Variants in RAB27B observed in about 807,000 individuals in gnomAD.
RAB27B encodes the protein RAB27B, member RAS oncogene family.
A neutral mutation model predicts 24.6 loss-of-function variants in RAB27B; 15 were observed. The observed-to-expected ratio is 0.61, with a 90% CI of 0.41 to 0.94. The LOEUF (loss-of-function observed/expected upper bound fraction) is 0.94, where lower values mean the gene tolerates loss of function less well. Ranked by LOEUF, RAB27B falls within the 40% of genes least tolerant of loss-of-function variation. The pLI, the probability that RAB27B is intolerant of heterozygous loss-of-function variation, is 0.00. For synonymous variants in RAB27B, 105 were observed against 92.5 expected (o/e 1.14, Z -0.78); for missense variants, 261 against 266.8 (o/e 0.98, Z 0.15).
At chr18:54,751,174 G>A in intron 2 of RAB27B, among the ~76,000 whole-genome samples, 1 of 152,164 alleles carries the variant, frequency 6.6e-6, no homozygotes, top group East Asian at 1.9e-4. Context: ...AGGAGCTTGA[G>A]GCACTGGAGT....
In RAB27B at chr18:54,877,840, C is replaced by T. The variant is rs888124615; in HGVS notation, c.153+102C>T. On this transcript the variant is annotated intron_variant, in intron 2 of 5. Transcript: ENST00000262094. The stretch of plus-strand genomic sequence containing the variant: ...GCATTGGAGTCTGTCTTTTGTCACA[C>T]GAAATTCATAACCTGTCATTTTAAT... The T allele has an allele frequency of 1.3e-5, 15 of 1,189,384 alleles. 1 individual carries two copies. The highest frequency in any genetic ancestry group is 3.4e-5 in the South Asian group (2 of 58,544). 73.7% of individuals were successfully genotyped at this position (1,189,384 alleles called of 1,614,324 possible). A position where few individuals can be genotyped will look rare whatever the true frequency, so the allele number is the denominator to read the frequency against.
intron 1 of RAB27B, among the ~76,000 whole-genome samples, chr18:54,872,232 C>T (rs1342774274): frequency 6.6e-6 from 1 of 152,226 alleles, no homozygotes; most frequent in African/African-American, 2.4e-5. Context: ...AGTGCAGTAT[C>T]TCTGTGCTTT....
intron 2 of RAB27B, among the ~76,000 whole-genome samples, chr18:54,820,468 T>G (rs887581964): frequency 1.3e-4 from 20 of 152,166 alleles, no homozygotes; most frequent in Non-Finnish European, 2.6e-4. Context: ...GATGGGATTG[T>G]TTTTTTCTTG....
intron 2 of RAB27B, among the ~76,000 whole-genome samples, chr18:54,746,438 C>T (rs1212320577): frequency 1.3e-5 from 2 of 152,182 alleles, no homozygotes. Flanking sequence ...ATGGGTCATA[C>T]TTTATTCCAT....
At chr18:54,753,882 G>A (rs1306511869) in intron 2 of RAB27B, among the ~76,000 whole-genome samples, 3 of 152,030 alleles carry the variant, frequency 2.0e-5, no homozygotes, top group Admixed American at 2.0e-4. Context: ...ACACACTTGG[G>A]GTTTAGAAGA....
At chr18:54,781,403 T>G (rs1309095171) in intron 2 of RAB27B, among the ~76,000 whole-genome samples, 2 of 151,984 alleles carry the variant, frequency 1.3e-5, no homozygotes, top group Non-Finnish European at 2.9e-5. Flanking sequence ...GCCCCTGAAT[T>G]TGACCACACT....
At position 54,841,158 on chromosome 18, in the gene RAB27B, GC is replaced by G. The variant is rs200259323; in HGVS notation, c.-20+12459del. ...AAAGACTCTGTCTTTGGGTGGCGGG[GC>G]GGTGGGGGGTTTGGTGAGAGGGGCG... On this transcript the variant is annotated intron_variant, in intron 1 of 5. Transcript: ENST00000262094. Among the ~76,000 whole-genome samples, 272 of 74,996 alleles carry G rather than the reference GC, an allele frequency of 3.6e-3. 18 individuals are homozygous for G. The highest frequency in any genetic ancestry group is 0.012 in the African/African-American group (186 of 15,598). The allele number at this position is 74,996 out of a possible 152,430, so 49.2% of individuals were successfully genotyped here.
upstream of RAB27B, among the ~76,000 whole-genome samples, chr18:54,827,752 T>A (rs1910522315): frequency 6.6e-6 from 1 of 152,220 alleles, no homozygotes; most frequent in Non-Finnish European, 1.5e-5. Context: ...TACCTAACCT[T>A]GTATTCTTAC....
intron 2 of RAB27B, among the ~76,000 whole-genome samples, chr18:54,773,871 A>G (rs926985894): frequency 2.0e-5 from 3 of 151,848 alleles, no homozygotes; most frequent in Non-Finnish European, 4.4e-5. Flanking sequence ...ATGGGGTTTC[A>G]TTATCTTCAC....
At chr18:54,866,834 C>T (rs1912248382) in intron 1 of RAB27B, among the ~76,000 whole-genome samples, 1 of 152,104 alleles carries the variant, frequency 6.6e-6, no homozygotes, top group Admixed American at 6.5e-5. Context: ...GGCAGCTCCT[C>T]GTATTTTAAA....
At chr18:54,721,128 A>G (rs1909346032) in intron 2 of RAB27B, among the ~76,000 whole-genome samples, 1 of 152,188 alleles carries the variant, frequency 6.6e-6, no homozygotes, top group African/African-American at 2.4e-5. Flanking sequence ...CCAGAACTGG[A>G]TGTTACTTAT....
intron 2 of RAB27B, among the ~76,000 whole-genome samples, chr18:54,791,710 G>A (rs1057313348): frequency 6.6e-6 from 1 of 152,152 alleles, no homozygotes; most frequent in Non-Finnish European, 1.5e-5. Flanking sequence ...TATAAAAACC[G>A]GAGACCCTAG....
intron 1 of RAB27B, among the ~76,000 whole-genome samples, chr18:54,876,769 T>G (rs1912720603): frequency 6.6e-6 from 1 of 152,274 alleles, no homozygotes; most frequent in South Asian, 2.1e-4. Context: ...GCAAAACTTA[T>G]CCCTCTGCTT....
chr18:54,821,978 C>A (rs1170371775), intron 2 of RAB27B, among the ~76,000 whole-genome samples: 1 of 152,128 alleles, frequency 6.6e-6, no homozygotes. Context: ...GTCTGAAACT[C>A]CTGACCTCAG....
intron 2 of RAB27B, among the ~76,000 whole-genome samples, chr18:54,760,201 A>G (rs1240445384): frequency 2.0e-5 from 3 of 152,056 alleles, no homozygotes; most frequent in African/African-American, 4.8e-5. Context: ...CCACTTACCT[A>G]TGATCTCCCC....
At chr18:54,826,562 C>A (rs146214192), upstream of RAB27B, among the ~76,000 whole-genome samples, 2 of 152,290 alleles carry the variant, frequency 1.3e-5, no homozygotes, top group African/African-American at 4.8e-5. Flanking sequence ...GGAGAGCTAT[C>A]CCTGCAAGAG....
intron 2 of RAB27B, among the ~76,000 whole-genome samples, chr18:54,807,842 G>A (rs7236335): frequency 0.23 from 34,688 of 152,016 alleles, 4,215 homozygotes; most frequent in East Asian, 0.41. Flanking sequence ...GAAGAAAAAA[G>A]CAGTTCCATA....
intron 1 of RAB27B, 89 bp from the exon 2 acceptor site, chr18:54,877,478 C>A: frequency 9.1e-7 from 1 of 1,103,138 alleles, no homozygotes; most frequent in South Asian, 3.0e-5. Flanking sequence ...CTTTTTAACC[C>A]TGAAAATTAA....
At chr18:54,736,608 T>A (rs969255559) in intron 2 of RAB27B, among the ~76,000 whole-genome samples, 2 of 152,042 alleles carry the variant, frequency 1.3e-5, no homozygotes, top group African/African-American at 4.8e-5. Flanking sequence ...CATGAAGAAG[T>A]ACAAAGGGAA....
Sources: allele counts gnomAD v4.1 joint callset (sites outside exome capture counted in the v4.1 genomes callset), GRCh38; gene constraint gnomAD v4.1.1; transcripts MANE v1.5; gene names NCBI Gene and HGNC (gene_info 2026-07-23, HGNC 2026-07-21).